TXNDC8: variants seen among roughly 807,000 people sequenced by gnomAD.
TXNDC8 encodes thioredoxin domain-containing protein 8.
Under a neutral mutation model 12.9 loss-of-function variants are expected in TXNDC8, and 15 were observed. The ratio of observed to expected loss-of-function variants is 1.16; its 90% CI spans 0.78 to 1.79. The LOEUF (loss-of-function observed/expected upper bound fraction) is 1.79. Ranked by LOEUF, TXNDC8 falls within the 40% of genes most tolerant of loss-of-function variation. TXNDC8 has a pLI of 0.00. For synonymous variants in TXNDC8, 40 were observed against 35.4 expected (o/e 1.13, Z -0.46); for missense variants, 128 against 113.2 (o/e 1.13, Z -0.59).
intron 3 of TXNDC8, chr9:110,323,401 G>T: frequency 1.1e-6 from 1 of 915,774 alleles, no homozygotes; most frequent in Non-Finnish European, 1.3e-6. Context: ...AGTTAATGGT[G>T]CTTCTGTGTA....
rs1464418890 is a variant in TXNDC8 at position 110,304,549 on chromosome 9, A to G, written c.196-17T>C. On this transcript the variant is annotated splice_polypyrimidine_tract_variant and intron_variant, in intron 3 of 4. Coordinates refer to ENST00000423740, the MANE Select transcript of TXNDC8 (RefSeq NM_001286946.2). ...TAGGGTTACCTAAGTGTGGGTGCAG[A>G]ATTTCATAATTTATCTGAGTTGCCT... 6.3e-7 allele frequency: 1 copy of G among 1,593,620 alleles called. No individual in the cohort carries two copies. Among genetic ancestry groups the G allele is most frequent in the African/African-American group, 1.3e-5 (1 of 74,446 alleles).
chr9:110,317,067 G>A lies in TXNDC8; in HGVS notation c.195+9108C>T, dbSNP rs548715605. On this transcript the variant is annotated intron_variant, in intron 3 of 4. Coordinates refer to ENST00000423740, the MANE Select transcript of TXNDC8 (RefSeq NM_001286946.2). ...CTTCATGCAACTGCCTAAGAGCTAG[G>A]TAGTCAGTACAATGTGGCTTTCTGT... Among the ~76,000 whole-genome samples the A allele has an allele frequency of 1.2e-4, 18 of 152,328 alleles. No homozygotes were observed. In the East Asian group the frequency reaches 3.5e-3, roughly 29 times the overall value.
chr9:110,315,824 T>A (rs1475942688), intron 3 of TXNDC8, among the ~76,000 whole-genome samples: 2 of 147,594 alleles, frequency 1.4e-5, no homozygotes, highest in Non-Finnish European at 3.0e-5. Context: ...CAAGACACTT[T>A]TTTTTTTGGC....
intron 3 of TXNDC8, among the ~76,000 whole-genome samples, chr9:110,316,305 A>T (rs1307400846): frequency 1.3e-5 from 2 of 152,238 alleles, no homozygotes; most frequent in African/African-American, 2.4e-5. Flanking sequence ...TATGAATAAG[A>T]TGAAAAGAAT....
chr9:110,302,016 G>A (rs1359924853), downstream of TXNDC8, among the ~76,000 whole-genome samples: 6 of 151,568 alleles, frequency 4.0e-5, no homozygotes, highest in Non-Finnish European at 1.5e-5. Flanking sequence ...TTGAGACTGA[G>A]TCTCGCTCTA....
intron 1 of TXNDC8, among the ~76,000 whole-genome samples, chr9:110,336,036 C>T (rs557567542): frequency 5.9e-5 from 9 of 152,212 alleles, no homozygotes; most frequent in African/African-American, 1.4e-4. Flanking sequence ...AAATATCTGA[C>T]GGTTTTATAA....
rs948405732 is a variant in TXNDC8, at chr9:110,329,390, G to A, written c.130-3150C>T. The A allele has an allele frequency of 1.1e-5, 10 of 880,968 alleles. No homozygotes were observed. The African/African-American group carries it at 1.5e-4, about 13-fold the overall frequency. 54.6% of individuals were successfully genotyped at this position (880,968 alleles called of 1,614,324 possible). ...AGTAGAAAAGAAAATTGAACAGAAAGGCTGTTAAAGAGGACTAAGCATCAT... is the reference window on the plus strand; with the variant it reads ...AGTAGAAAAGAAAATTGAACAGAAAAGCTGTTAAAGAGGACTAAGCATCAT... On this transcript the variant is annotated intron_variant, in intron 2 of 4. Transcript: ENST00000423740.
intron 1 of TXNDC8, among the ~76,000 whole-genome samples, chr9:110,336,236 C>T (rs1361070794): frequency 6.6e-6 from 1 of 152,192 alleles, no homozygotes; most frequent in Non-Finnish European, 1.5e-5. Flanking sequence ...TAGACTAATA[C>T]AACATGCCTG....
chr9:110,328,241 G>C (rs911233771), intron 2 of TXNDC8, among the ~76,000 whole-genome samples: 61 of 152,142 alleles, frequency 4.0e-4, no homozygotes, highest in African/African-American at 1.4e-3. Flanking sequence ...ACCACCTGTT[G>C]GTACCTCTCA....
At chr9:110,326,940 GCACACACACACACA>G in intron 2 of TXNDC8, among the ~76,000 whole-genome samples, 1 of 143,030 alleles carries the variant, frequency 7.0e-6, no homozygotes, top group African/African-American at 2.6e-5. Flanking sequence ...TGCTACTCAT[GCACACACACACACA>G]CACACACACA....
intron 3 of TXNDC8, among the ~76,000 whole-genome samples, chr9:110,308,971 G>A (rs1449000781): frequency 2.6e-5 from 4 of 152,210 alleles, no homozygotes; most frequent in East Asian, 1.9e-4. Flanking sequence ...TGACCTTAGC[G>A]TGTGTAATGG....
intron 3 of TXNDC8, among the ~76,000 whole-genome samples, chr9:110,320,174 A>G (rs1445513182): frequency 6.6e-6 from 1 of 151,816 alleles, no homozygotes; most frequent in African/African-American, 2.4e-5. Flanking sequence ...CTCTTTCCCT[A>G]CTCCATAGAC....
rs149045202 is a variant in TXNDC8, at chr9:110,324,583, C to A, written c.195+1592G>T. Among the ~76,000 whole-genome samples the A allele has an allele frequency of 3.0e-3, 462 of 152,128 alleles. 2 individuals are homozygous for A. The highest frequency in any genetic ancestry group is 0.011 in the African/African-American group (442 of 41,474). On this transcript the variant is annotated intron_variant, in intron 3 of 4. Coordinates refer to ENST00000423740, the MANE Select transcript of TXNDC8 (RefSeq NM_001286946.2). ...AGTAGATGTATCAGAATTTACTTAGCCTTTTTACTTAAAGACATTGAGATT... is the reference window on the plus strand; with the variant it reads ...AGTAGATGTATCAGAATTTACTTAGACTTTTTACTTAAAGACATTGAGATT...
chr9:110,314,410 TC>T (rs202211475), intron 3 of TXNDC8, among the ~76,000 whole-genome samples: 7,586 of 149,828 alleles, frequency 0.051, 250 homozygotes, highest in Middle Eastern at 0.077. Context: ...TTCTTTTTTT[TC>T]TTTTTTTCTT....
chr9:110,322,663 A>G (rs935280443), intron 3 of TXNDC8: 76 of 985,512 alleles, frequency 7.7e-5, no homozygotes, highest in Non-Finnish European at 8.8e-5. Flanking sequence ...GAGTGGCAGC[A>G]GCTACCAAAC....
chr9:110,305,540 TTTTCTTTTTCTTTCTTTCTTTCTTTC>T (rs1237680938), intron 3 of TXNDC8, among the ~76,000 whole-genome samples: 13 of 145,184 alleles, frequency 9.0e-5, no homozygotes, highest in African/African-American at 2.6e-4. Flanking sequence ...ACTGCATGTA[TTTTCTTTTTCTTTCTTTCTTTCTTTC>T]TTTCTTTCTT....
rs150621229 is a variant in TXNDC8, at chr9:110,328,693, C to T, written c.130-2453G>A. ...TGGTGGCACATGCCTGTAATCCCAGCGACTCGGGAGGCTGAGGCAGGAGAA... is the reference window on the plus strand; with the variant it reads ...TGGTGGCACATGCCTGTAATCCCAGTGACTCGGGAGGCTGAGGCAGGAGAA... On this transcript the variant is annotated intron_variant, in intron 2 of 4. Coordinates refer to ENST00000423740, the MANE Select transcript of TXNDC8 (RefSeq NM_001286946.2). 8.5e-3 allele frequency among the ~76,000 whole-genome samples: 1,291 copies of T among 152,284 alleles called. 11 individuals carry two copies. The highest frequency in any genetic ancestry group is 0.014 in the Non-Finnish European group (948 of 68,028).
chr9:110,305,811 C>CTTTTCTTTT (rs1351991000), intron 3 of TXNDC8, among the ~76,000 whole-genome samples: 2 of 77,074 alleles, frequency 2.6e-5, no homozygotes, highest in African/African-American at 1.6e-4. Flanking sequence ...TCTTTTCTTT[C>CTTTTCTTTT]CTTTCCTTTC....
chr9:110,328,170 C>A (rs961660034), intron 2 of TXNDC8, among the ~76,000 whole-genome samples: 1 of 152,172 alleles, frequency 6.6e-6, no homozygotes, highest in Admixed American at 6.5e-5. Flanking sequence ...CATTAAAGGG[C>A]AGAATGGTAG....
Sources: allele counts gnomAD v4.1 joint callset (sites outside exome capture counted in the v4.1 genomes callset), GRCh38; gene constraint gnomAD v4.1.1; transcripts MANE v1.5; gene names NCBI Gene and HGNC (gene_info 2026-07-23, HGNC 2026-07-21).